SLIT3: variants seen among roughly 807,000 people sequenced by gnomAD.
SLIT3 encodes the protein slit guidance ligand 3.
A neutral mutation model predicts 184.0 loss-of-function variants in SLIT3; 68 were observed. The ratio of observed to expected loss-of-function variants is 0.37; its 90% confidence interval spans 0.30 to 0.45. The LOEUF is 0.45. SLIT3 is among the 20% of genes least tolerant of loss of function. The pLI is 1.00. For synonymous variants in SLIT3, 831 were observed against 828.6 expected, an observed-to-expected ratio of 1.00 and a Z score of -0.05; for missense variants, 1,707 against 2,026.0, an observed-to-expected ratio of 0.84 and a Z score of 3.02.
Position 169,228,707 on chromosome 5 carries a change from TCTTC to T in SLIT3, c.341+15994_341+15997del, listed in dbSNP as rs531141723. Among the ~76,000 whole-genome samples, 38 of 152,332 alleles carry T rather than the reference TCTTC, an allele frequency of 2.5e-4. 1 individual carries two copies. The South Asian group carries it at 3.7e-3, about 15-fold the overall frequency. On this transcript the variant is annotated intron_variant, in intron 3 of 35. Transcript: ENST00000519560. Reference sequence around the variant, plus strand: ...ATGAGAATTAAAGCATACTGGAATGTCTTCCTTCATTTTCCTGCTCTGAAAGCTC... The same window carrying T: ...ATGAGAATTAAAGCATACTGGAATGTCTTCATTTTCCTGCTCTGAAAGCTC...
intron 1 of SLIT3, among the ~76,000 whole-genome samples, chr5:169,299,475 G>A (rs563390383): frequency 6.6e-6 from 1 of 152,202 alleles, no homozygotes; most frequent in East Asian, 1.9e-4. Flanking sequence ...AGAAGAGGGA[G>A]AGCAAGACAC....
chr5:168,873,488 G>A (rs538220418), intron 5 of SLIT3, among the ~76,000 whole-genome samples: 21 of 151,820 alleles, frequency 1.4e-4, no homozygotes, highest in Admixed American at 6.6e-5. Flanking sequence ...AAAATTAGCC[G>A]GGTGTGGTGG....
At chr5:169,190,551 T>C (rs1381098216) in intron 4 of SLIT3, among the ~76,000 whole-genome samples, 1 of 152,236 alleles carries the variant, frequency 6.6e-6, no homozygotes, top group African/African-American at 2.4e-5. Context: ...ATTTCCCTTT[T>C]CATTACTATT....
chr5:168,684,085 G>A lies in SLIT3; in HGVS notation c.3567C>T (p.Asp1189=). 6.3e-7 allele frequency: 1 copy of A among 1,598,788 alleles called. No individual in the cohort carries two copies. Among genetic ancestry groups the A allele is most frequent in the Admixed American group, 1.7e-5 (1 of 58,562 alleles). The change falls in exon 32 of 36, where the codon GAC becomes GAT. Residue 1189 remains aspartate (D), a synonymous_variant. Coordinates refer to ENST00000519560, the MANE Select transcript of SLIT3 (RefSeq NM_003062.4). Reference sequence around the variant, plus strand: ...TGTAGAGAAGGATGCCGTTGTCCTTGTCAGTGGCCACCTGGAGAAAGCAGC... The same window carrying A: ...TGTAGAGAAGGATGCCGTTGTCCTTATCAGTGGCCACCTGGAGAAAGCAGC... ...QANISLQVAT[D]KDNGILLYKG... is the part of the protein sequence containing the mutation.
At chr5:168,980,023 C>A (rs1397074565) in intron 4 of SLIT3, among the ~76,000 whole-genome samples, 2 of 152,084 alleles carry the variant, frequency 1.3e-5, no homozygotes, top group Admixed American at 6.6e-5. Flanking sequence ...ATTTCAGAAC[C>A]AGACATTGTC....
intron 1 of SLIT3, among the ~76,000 whole-genome samples, chr5:169,264,385 A>G (rs1766320165): frequency 6.6e-6 from 1 of 152,122 alleles, no homozygotes. Flanking sequence ...GGGTTTCACC[A>G]TGTTGGCCAG....
intron 3 of SLIT3, among the ~76,000 whole-genome samples, chr5:169,216,033 G>T (rs1482378732): frequency 6.6e-6 from 1 of 152,130 alleles, no homozygotes; most frequent in Non-Finnish European, 1.5e-5. Context: ...ATCTTAGAGG[G>T]GTTTCTTAAA....
chr5:168,856,473 T>C (rs1034050190), intron 5 of SLIT3, among the ~76,000 whole-genome samples: 3 of 152,146 alleles, frequency 2.0e-5, no homozygotes, highest in African/African-American at 7.2e-5. Flanking sequence ...TCACCTATTT[T>C]TGGGAATTAT....
Position 169,300,767 on chromosome 5 carries a change from C to T in SLIT3, c.-58G>A. The T allele has an allele frequency of 2.4e-6, 3 of 1,253,500 alleles. No homozygotes were observed. The highest frequency in any genetic ancestry group is 3.0e-6 in the Non-Finnish European group (3 of 1,001,666). 77.6% of individuals were successfully genotyped at this position (1,253,500 alleles called of 1,614,324 possible). ...CCTCTGCGGGGCAAGACGCGTGGAG[C>T]CCGAGGAGGCGCGCGGGGAGCGCGG... is the stretch of plus-strand genomic sequence containing the variant. On this transcript the variant is annotated 5_prime_UTR_variant, in exon 1 of 36. Transcript: ENST00000519560. This position sits in a 1 kb window ranked among gnomAD's most constrained non-coding sequence, Gnocchi z 4.1.
chr5:168,755,537 T>C (rs1273930292), intron 16 of SLIT3, among the ~76,000 whole-genome samples: 3 of 151,506 alleles, frequency 2.0e-5, no homozygotes, highest in Middle Eastern at 3.4e-3. Flanking sequence ...AGGGTTCAAG[T>C]GATTCTCCTG....
intron 14 of SLIT3, among the ~76,000 whole-genome samples, chr5:168,770,459 A>C (rs6555826): frequency 0.31 from 46,813 of 151,952 alleles, 7,534 homozygotes; most frequent in African/African-American, 0.35. Flanking sequence ...ACAGAGCTTT[A>C]CATCTATGGT....
At chr5:169,083,581 G>A (rs1759158350) in intron 4 of SLIT3, among the ~76,000 whole-genome samples, 1 of 152,204 alleles carries the variant, frequency 6.6e-6, no homozygotes. Context: ...TCAAAGGGGA[G>A]CCTCTCCAGC....
rs115684697 is a variant in SLIT3, at chr5:168,902,277, G to A, written c.414-18941C>T. 7.6e-3 allele frequency among the ~76,000 whole-genome samples: 1,153 copies of A among 152,336 alleles called. 7 individuals carry two copies. Among genetic ancestry groups the A allele is most frequent in the South Asian group, 0.038 (183 of 4,832 alleles). ...TGTTAAACACCGTATGCCAGGCACA[G>A]TGTCAGGCAAAAGGCATAGGTGGGG... On this transcript the variant is annotated intron_variant, in intron 4 of 35. Coordinates refer to ENST00000519560, the MANE Select transcript of SLIT3 (RefSeq NM_003062.4).
intron 4 of SLIT3, among the ~76,000 whole-genome samples, chr5:169,101,606 C>G (rs1194847019): frequency 6.6e-6 from 1 of 152,164 alleles, no homozygotes; most frequent in Non-Finnish European, 1.5e-5. Flanking sequence ...GAAAGAACTT[C>G]CACAAATGGA....
intron 4 of SLIT3, among the ~76,000 whole-genome samples, chr5:169,139,122 A>G: frequency 6.6e-6 from 1 of 152,212 alleles, no homozygotes; most frequent in Non-Finnish European, 1.5e-5. Flanking sequence ...CCTGGGTACT[A>G]CTGCCCAGTG....
At chr5:169,198,113 A>G (rs1763797436) in intron 3 of SLIT3, among the ~76,000 whole-genome samples, 1 of 152,226 alleles carries the variant, frequency 6.6e-6, no homozygotes, top group African/African-American at 2.4e-5. Context: ...TTACCCATCC[A>G]TCCATTCTTT....
rs908704761 is a variant in SLIT3 at position 169,254,357 on chromosome 5, T to C, written c.198-2898A>G. On this transcript the variant is annotated intron_variant, in intron 1 of 35. Coordinates refer to ENST00000519560, the MANE Select transcript of SLIT3 (RefSeq NM_003062.4). ...CTCTGGCCTCAAGGGAGTCAGTGTA[T>C]GTCAGCCTGGGATGGGTTCTGAACT... Among the ~76,000 whole-genome samples, 8 of 152,238 alleles carry C rather than the reference T, an allele frequency of 5.3e-5. No individual in the cohort carries two copies. The East Asian group carries it at 1.4e-3, about 26-fold the overall frequency.
At chr5:169,175,554 A>C (rs1762957471) in intron 4 of SLIT3, among the ~76,000 whole-genome samples, 1 of 152,228 alleles carries the variant, frequency 6.6e-6, no homozygotes, top group East Asian at 1.9e-4. Context: ...TATGGCATTT[A>C]GAGCCCCTGG....
intron 4 of SLIT3, among the ~76,000 whole-genome samples, chr5:168,924,765 G>C (rs983728125): frequency 1.3e-5 from 2 of 152,238 alleles, no homozygotes; most frequent in Non-Finnish European, 1.5e-5. Flanking sequence ...TGCTCGCTTT[G>C]GCATCTCAAA....
Sources: allele counts gnomAD v4.1 joint callset (sites outside exome capture counted in the v4.1 genomes callset), GRCh38; gene constraint gnomAD v4.1.1; non-coding constraint Gnocchi (gnomAD v3.1); transcripts MANE v1.5; gene names NCBI Gene and HGNC (gene_info 2026-07-23, HGNC 2026-07-21).